The following EML1 variants were observed in gnomAD, a reference collection of about 807,000 sequenced individuals.
The protein encoded by EML1 is EMAP like 1.
In EML1, 27 loss-of-function variants were observed where a neutral mutation model predicts 110.4. That is an observed-to-expected ratio of 0.24 (90% CI 0.18 to 0.34). EML1 has a LOEUF of 0.34. EML1 is among the 10% of genes least tolerant of loss of function. The pLI is 1.00. For synonymous variants in EML1, 344 were observed against 385.8 expected (o/e 0.89, Z 1.27); for missense variants, 741 against 1,030.9 (o/e 0.72, Z 3.85).
At chr14:99,800,589 C>T (rs1015005146) in intron 1 of EML1, among the ~76,000 whole-genome samples, 1 of 152,156 alleles carries the variant, frequency 6.6e-6, no homozygotes, top group Non-Finnish European at 1.5e-5. Flanking sequence ...GTCTTGAACT[C>T]TCCTCAAGAG....
rs551414715 is a variant in EML1 at position 99,931,497 on chromosome 14, G to A, written c.1910-4532G>A. Among the ~76,000 whole-genome samples the A allele has an allele frequency of 2.6e-5, 4 of 152,324 alleles. No individual in the cohort carries two copies. The South Asian group carries it at 8.3e-4, about 32-fold the overall frequency. ...AAAACAGCCGTAAGGTTGTCCTTCTGCCCTGAGCACCTGGACTCTTGCTCC... is the reference window on the plus strand; with the variant it reads ...AAAACAGCCGTAAGGTTGTCCTTCTACCCTGAGCACCTGGACTCTTGCTCC... On this transcript the variant is annotated intron_variant, in intron 17 of 21. Transcript: ENST00000262233.
intron 10 of EML1, 105 bp from the exon 11 acceptor site, chr14:99,909,240 C>G: frequency 1.3e-6 from 2 of 1,551,342 alleles, no homozygotes; most frequent in East Asian, 4.5e-5. Flanking sequence ...TTGTGCTTGC[C>G]TTGAATTTCT....
At chr14:99,855,001 A>G (rs1339652992) in intron 2 of EML1, among the ~76,000 whole-genome samples, 1 of 152,186 alleles carries the variant, frequency 6.6e-6, no homozygotes, top group Non-Finnish European at 1.5e-5. Context: ...AAAACTGGAT[A>G]GGAAACAATA....
At chr14:99,900,712 A>ACCTCT (rs1313185313) in intron 8 of EML1, among the ~76,000 whole-genome samples, 1 of 152,034 alleles carries the variant, frequency 6.6e-6, no homozygotes, top group Non-Finnish European at 1.5e-5. Context: ...AACTTGGTAG[A>ACCTCT]CCTCTCCTTA....
At chr14:99,764,839 G>T (rs756230050) in intron 1 of EML1, among the ~76,000 whole-genome samples, 2 of 152,186 alleles carry the variant, frequency 1.3e-5, no homozygotes, top group Non-Finnish European at 2.9e-5. Flanking sequence ...CACCCAAACC[G>T]CTGTCCTGCC....
At chr14:99,934,221 T>C (rs1282263092) in intron 17 of EML1, among the ~76,000 whole-genome samples, 1 of 152,228 alleles carries the variant, frequency 6.6e-6, no homozygotes, top group Non-Finnish European at 1.5e-5. Context: ...GTTGCAGGCA[T>C]TGAGTGCAGA....
rs372992637 is a variant in EML1, at chr14:99,782,051, C to T, written c.-27+8038C>T. ...CACCTACAGCAGGAGGCCCGCAGCC[C>T]CACCCTATCGTAGGGCACTGTTATC... On this transcript the variant is annotated intron_variant, in intron 1 of 22. Coordinates refer to the EML1 transcript ENST00000327921. Among the ~76,000 whole-genome samples, 162 of 152,312 alleles carry T rather than the reference C, an allele frequency of 1.1e-3. 3 individuals are homozygous for T. The highest frequency in any genetic ancestry group is 3.5e-3 in the African/African-American group (146 of 41,558).
intron 12 of EML1, among the ~76,000 whole-genome samples, 163 bp from the exon 13 acceptor site, chr14:99,911,259 G>C (rs189203451): frequency 2.6e-5 from 4 of 152,210 alleles, no homozygotes; most frequent in African/African-American, 9.6e-5. Context: ...TGCTTGTCTG[G>C]TGCTCTGCGA....
intron 1 of EML1, among the ~76,000 whole-genome samples, chr14:99,822,017 G>C (rs2058271908): frequency 6.6e-6 from 1 of 152,168 alleles, no homozygotes; most frequent in Non-Finnish European, 1.5e-5. Context: ...GGAATAAGCA[G>C]CAGCCAGCCA....
intron 1 of EML1, among the ~76,000 whole-genome samples, chr14:99,774,477 C>G (rs781779191): frequency 3.3e-5 from 5 of 152,208 alleles, no homozygotes; most frequent in Non-Finnish European, 5.9e-5. Context: ...CGAGTGTACC[C>G]TTTTTCCTTC....
chr14:99,763,692 C>T (rs1330863489), intron 1 of EML1, among the ~76,000 whole-genome samples: 1 of 152,212 alleles, frequency 6.6e-6, no homozygotes, highest in Non-Finnish European at 1.5e-5. Context: ...TCTCTAGATC[C>T]TCGGCTATGC....
Position 99,878,564 on chromosome 14 carries a change from C to T in EML1, c.463C>T (p.Arg155Trp), listed in dbSNP as rs2059332983. ...RESNGDSRGNRNRTGSTSSSS... is the reference protein window; with the variant it reads ...RESNGDSRGNWNRTGSTSSSS... ...AAGCAATGGGGATTCCAGAGGAAAC[C>T]GGAATCGCACAGGCTCCACCAGCAG... is the stretch of plus-strand genomic sequence containing the variant. The change falls in exon 4 of 22, where the codon CGG becomes TGG. Residue 155 changes from arginine to tryptophan, a missense_variant. By Grantham distance (101) the Arg-to-Trp change is moderately radical. Transcript: ENST00000262233. The T allele has an allele frequency of 9.9e-6, 16 of 1,613,858 alleles. No individual in the cohort carries two copies. In the South Asian group the frequency reaches 1.1e-4, roughly 11 times the overall value.
At chr14:99,914,729 T>C in intron 15 of EML1, 32 bp downstream of exon 15, 1 of 1,581,268 alleles carries the variant, frequency 6.3e-7, no homozygotes, top group Non-Finnish European at 8.6e-7. Context: ...CCATTTTTCT[T>C]ACAGAAATTC....
At chr14:99,778,639 A>G (rs186499176) in intron 1 of EML1, among the ~76,000 whole-genome samples, 46 of 152,352 alleles carry the variant, frequency 3.0e-4, no homozygotes, top group Admixed American at 2.8e-3. Context: ...CACATCCTGC[A>G]GTAGCTTCCT....
intron 1 of EML1, among the ~76,000 whole-genome samples, chr14:99,777,702 G>A (rs1183659974): frequency 6.6e-6 from 1 of 152,198 alleles, no homozygotes; most frequent in Non-Finnish European, 1.5e-5. Context: ...TTAGAAGCGT[G>A]AGCCACCACG....
chr14:99,795,880 A>G (rs1595291510), intron 1 of EML1, among the ~76,000 whole-genome samples: 1 of 152,318 alleles, frequency 6.6e-6, no homozygotes, highest in African/African-American at 2.4e-5. Context: ...TAATTCACAC[A>G]TATTATTTGG....
rs187495574 is a variant in EML1, at chr14:99,755,679, T to C, written c.28+17819T>C. Among the ~76,000 whole-genome samples the C allele has an allele frequency of 9.9e-4, 150 of 152,242 alleles. 4 individuals are homozygous for C. In the East Asian group the frequency reaches 0.023, roughly 23 times the overall value. On this transcript the variant is annotated intron_variant, in intron 1 of 10. Transcript: ENST00000554479. ...TTGCCCTCCTGGGGAACAGGGTGCC[T>C]CTCTGGATCCCCAAGTCTGCAGAAC...
rs772800582 is a variant in EML1, at chr14:99,878,621, T to C, written c.518+2T>C. 1 of 1,612,504 alleles carries C rather than the reference T, an allele frequency of 6.2e-7. No homozygotes were observed. The highest frequency in any genetic ancestry group is 1.3e-5 in the African/African-American group (1 of 74,794). Reference sequence around the variant, plus strand: ...CAGTGGCAAAAAGAACAGTGAAAGGTAAGGACGTCTTATCTCTCAGTTCCT... The same window carrying C: ...CAGTGGCAAAAAGAACAGTGAAAGGCAAGGACGTCTTATCTCTCAGTTCCT... On this transcript the variant is annotated splice_donor_variant, in intron 4 of 21. Coordinates refer to ENST00000262233, the MANE Select transcript of EML1 (RefSeq NM_004434.3). LOFTEE classifies it high-confidence loss of function.
intron 9 of EML1, among the ~76,000 whole-genome samples, chr14:99,901,811 C>T (rs1319870887): frequency 6.6e-6 from 1 of 152,148 alleles, no homozygotes; most frequent in Admixed American, 6.5e-5. Flanking sequence ...CTTGTGCCAA[C>T]CTCCATCTCA....
Sources: gnomAD v4.1 joint callset for allele counts (sites outside exome capture counted in the v4.1 genomes callset) on GRCh38, gnomAD v4.1.1 for gene constraint, MANE v1.5 for transcripts, NCBI Gene and HGNC (gene_info 2026-07-23, HGNC 2026-07-21) for gene names.